Variants in SPHKAP observed in about 807,000 individuals in gnomAD.
SPHKAP encodes SPHK1 interactor, AKAP domain containing, also known as A-kinase anchor protein SPHKAP.
A neutral mutation model predicts 137.5 loss-of-function variants in SPHKAP; 67 were observed. The observed-to-expected ratio is 0.49, with a 90% CI of 0.40 to 0.60. SPHKAP has a LOEUF of 0.60. SPHKAP is among the 20% of genes least tolerant of loss of function. The probability of loss-of-function intolerance (pLI) is 0.00; values close to 1 mark genes in which losing one functional copy is unlikely to be tolerated. For missense variants in SPHKAP, 2,097 were observed against 2,069.3 expected, an observed-to-expected ratio of 1.01 and a Z score of -0.26; for synonymous variants, 813 against 785.3, an observed-to-expected ratio of 1.04 and a Z score of -0.59.
intron 1 of SPHKAP, among the ~76,000 whole-genome samples, chr2:228,172,582 C>T (rs1330988320): frequency 1.3e-5 from 2 of 152,210 alleles, no homozygotes; most frequent in Admixed American, 1.3e-4. Context: ...TATCTGATCA[C>T]CCACCATTTC....
At chr2:228,129,404 A>G (rs750442971) in intron 2 of SPHKAP, among the ~76,000 whole-genome samples, 1 of 152,212 alleles carries the variant, frequency 6.6e-6, no homozygotes, top group Non-Finnish European at 1.5e-5. Flanking sequence ...CTTATGAATT[A>G]TGATATGACT....
At chr2:227,983,303 C>T (rs913504105) in intron 11 of SPHKAP, among the ~76,000 whole-genome samples, 6 of 152,130 alleles carry the variant, frequency 3.9e-5, no homozygotes, top group Non-Finnish European at 8.8e-5. Context: ...TGCACAGTTA[C>T]AGTAATCAGT....
chr2:228,173,591 T>C (rs999681693), intron 1 of SPHKAP, among the ~76,000 whole-genome samples: 6 of 152,112 alleles, frequency 3.9e-5, no homozygotes, highest in South Asian at 2.1e-4. Context: ...AAGGTGGTCA[T>C]GAGGCAAGCA....
At chr2:228,161,039 G>A (rs1016924941) in intron 1 of SPHKAP, among the ~76,000 whole-genome samples, 2 of 152,242 alleles carry the variant, frequency 1.3e-5, no homozygotes, top group Non-Finnish European at 1.5e-5. Flanking sequence ...AGTGGATAAG[G>A]TAGGTGTTAA....
At chr2:228,085,823 A>G (rs1277953472) in intron 3 of SPHKAP, among the ~76,000 whole-genome samples, 3 of 152,072 alleles carry the variant, frequency 2.0e-5, no homozygotes, top group East Asian at 3.9e-4. Flanking sequence ...TTTCTGAGAG[A>G]AAATCTTGCC....
rs145779090 is a variant in SPHKAP, at chr2:228,106,024, G to C, written c.246+2808C>G. 4.4e-3 allele frequency among the ~76,000 whole-genome samples: 668 copies of C among 152,244 alleles called. 5 individuals are homozygous for C. Among genetic ancestry groups the C allele is most frequent in the African/African-American group, 0.015 (624 of 41,526 alleles). ...CCGCATGCCTATCATATTTCTAGCT[G>C]CTCCAAACTGCTCTTCACTAAGACT... On this transcript the variant is annotated intron_variant, in intron 3 of 11. Transcript: ENST00000392056.
chr2:228,156,018 C>G (rs149094661), intron 1 of SPHKAP, among the ~76,000 whole-genome samples: 1,609 of 152,212 alleles, frequency 0.011, 23 homozygotes, highest in African/African-American at 0.037. Context: ...TATAGAAGAG[C>G]ATTGTGGTTA....
intron 2 of SPHKAP, among the ~76,000 whole-genome samples, chr2:228,117,368 C>A (rs1698745673): frequency 6.6e-6 from 1 of 152,008 alleles, no homozygotes; most frequent in African/African-American, 2.4e-5. Flanking sequence ...TAAAGGGAGC[C>A]AGAGAAGCCC....
chr2:228,019,752 GGTT>G lies in SPHKAP; in HGVS notation c.1099_1101del (p.Asn367del), dbSNP rs1559351550. 1 of 1,614,162 alleles carries G rather than the reference GGTT, an allele frequency of 6.2e-7. No homozygotes were observed. Among genetic ancestry groups the G allele is most frequent in the Admixed American group, 1.7e-5 (1 of 60,014 alleles). On this transcript the variant is annotated inframe_deletion, in exon 7 of 12. Coordinates refer to ENST00000392056, the MANE Select transcript of SPHKAP (RefSeq NM_001142644.2). Reference sequence around the variant, plus strand: ...TTTCTTGTGTCTTCATGGTCTCCTGGGTTTAGGTTGCTTCTCTGCTCTGCCACA... The same window carrying G: ...TTTCTTGTGTCTTCATGGTCTCCTGGTAGGTTGCTTCTCTGCTCTGCCACA...
intron 1 of SPHKAP, among the ~76,000 whole-genome samples, chr2:228,156,162 C>T (rs964926811): frequency 1.3e-5 from 2 of 152,084 alleles, no homozygotes; most frequent in African/African-American, 4.8e-5. Context: ...GATAATTGCC[C>T]CCCAAATCCG....
chr2:228,017,833 C>A lies in SPHKAP; in HGVS notation c.3021G>T (p.Thr1007=), dbSNP rs367599674. ...TTTCTTTAAGCTCAGGGTGCTCGTC[C>A]GTCTTCCTCTTGATCTCACTGAGCC... ...PPRLSEIKRK[T]DEHPELKEKL... The change falls in exon 7 of 12, where the codon ACG becomes ACT. Residue 1007 remains threonine (T), a synonymous_variant. Coordinates refer to ENST00000392056, the MANE Select transcript of SPHKAP (RefSeq NM_001142644.2). 3 of 1,614,036 alleles carry A rather than the reference C, an allele frequency of 1.9e-6. No individual in the cohort carries two copies. The highest frequency in any genetic ancestry group is 2.5e-6 in the Non-Finnish European group (3 of 1,179,994).
chr2:228,064,906 T>G (rs1696778115), intron 3 of SPHKAP, among the ~76,000 whole-genome samples: 1 of 152,196 alleles, frequency 6.6e-6, no homozygotes, highest in South Asian at 2.1e-4. Context: ...CTTGACTGCT[T>G]ATTATCAGGG....
intron 3 of SPHKAP, among the ~76,000 whole-genome samples, chr2:228,060,518 A>G (rs555356291): frequency 1.5e-4 from 23 of 152,208 alleles, no homozygotes; most frequent in Non-Finnish European, 3.1e-4. Context: ...CCTAGTCTCA[A>G]ATGGTTACAG....
chr2:228,154,812 G>A (rs370435140), intron 1 of SPHKAP, among the ~76,000 whole-genome samples: 11 of 148,044 alleles, frequency 7.4e-5, no homozygotes, highest in African/African-American at 2.3e-4. Context: ...GCCCACCTCA[G>A]CCTCCCAAAG....
chr2:228,036,748 C>T (rs965307311), intron 3 of SPHKAP, among the ~76,000 whole-genome samples: 2 of 152,060 alleles, frequency 1.3e-5, no homozygotes, highest in African/African-American at 4.8e-5. Flanking sequence ...ACGGATGAAG[C>T]TGGAAACCAT....
intron 7 of SPHKAP, among the ~76,000 whole-genome samples, chr2:228,011,661 C>T (rs1041340063): frequency 6.6e-6 from 1 of 152,070 alleles, no homozygotes; most frequent in Non-Finnish European, 1.5e-5. Context: ...ACAGGGGTAC[C>T]AAACATCCAA....
In SPHKAP at chr2:227,998,232, AAGTG is replaced by A. The variant is rs1404188828; in HGVS notation, c.4449-2542_4449-2539del. 6.4e-4 allele frequency among the ~76,000 whole-genome samples: 98 copies of A among 152,188 alleles called. 3 individuals carry two copies. The East Asian group carries it at 0.017, about 26-fold the overall frequency. On this transcript the variant is annotated intron_variant, in intron 7 of 11. Transcript: ENST00000392056. ...TGTTGGCTGGGCTGGTCTCGAACTC[AAGTG>A]ACCTGCACTCCTGGGCCTCCCAAAG...
At position 228,016,841 on chromosome 2, in the gene SPHKAP, C is replaced by T. The variant is rs745486968; in HGVS notation, c.4013G>A (p.Gly1338Asp). 7.4e-6 allele frequency: 12 copies of T among 1,613,898 alleles called. No individual in the cohort carries two copies. In the South Asian group the frequency reaches 1.1e-4, roughly 15 times the overall value. ...AEEADTEPVS[G>D]GSPSQAEKCA... ...CTTCTCTGCTTGCGAGGGAGAGCCA[C>T]CAGAAACAGGCTCAGTGTCAGCTTC... is the stretch of plus-strand genomic sequence containing the variant. Residue 1338 changes from glycine to aspartate, a missense_variant, in exon 7 of 12, where the codon GGT becomes GAT. Gly to Asp is a moderately conservative substitution (Grantham distance 94). Transcript: ENST00000392056.
At chr2:228,137,040 C>T (rs1332147533) in intron 1 of SPHKAP, among the ~76,000 whole-genome samples, 2 of 152,150 alleles carry the variant, frequency 1.3e-5, no homozygotes, top group Admixed American at 1.3e-4. Context: ...GCCCCATGCA[C>T]ACACAAACAC....
Sources: gnomAD v4.1 joint callset for allele counts (sites outside exome capture counted in the v4.1 genomes callset) on GRCh38, gnomAD v4.1.1 for gene constraint, MANE v1.5 for transcripts, NCBI Gene and HGNC (gene_info 2026-07-23, HGNC 2026-07-21) for gene names.